RASL12: variants seen among roughly 807,000 people sequenced by gnomAD.
RASL12 encodes RAS like family 12.
In RASL12, 16 loss-of-function variants were observed where a neutral mutation model predicts 22.9. That is an observed-to-expected ratio of 0.70 (90% CI 0.47 to 1.06). RASL12 has a LOEUF of 1.06. Ranked by LOEUF, RASL12 falls within the 50% of genes least tolerant of loss-of-function variation. RASL12 has a pLI of 0.00. For synonymous variants in RASL12, 159 were observed against 152.2 expected, an observed-to-expected ratio of 1.04 and a Z score of -0.33; for missense variants, 306 against 353.1, an observed-to-expected ratio of 0.87 and a Z score of 1.07.
chr15:65,074,989 G>A (rs953697464), intron 1 of RASL12, among the ~76,000 whole-genome samples: 2 of 152,242 alleles, frequency 1.3e-5, no homozygotes, highest in African/African-American at 4.8e-5. Context: ...GCCAAGGCTG[G>A]AGCCCACTCC....
At chr15:65,049,180 TCTGA>T (rs1303173126), downstream of RASL12, 3 of 151,934 alleles carry the variant, frequency 2.0e-5, no homozygotes, top group Admixed American at 1.3e-4. Flanking sequence ...CGTCAAAATG[TCTGA>T]CTGTTTTGAG....
chr15:65,058,441 G>A lies in RASL12; in HGVS notation c.411C>T (p.Asp137=), dbSNP rs753989546. The change falls in exon 4 of 5, where the codon GAC becomes GAT. Residue 137 remains aspartate (D), a synonymous_variant. Coordinates refer to ENST00000220062, the MANE Select transcript of RASL12 (RefSeq NM_016563.4). The part of the protein sequence containing the change: ...IPALLLGNKL[D]MAQYRQVTKA... ...GCTGTGCTCACCTGTACTGAGCCAT[G>A]TCCAGCTTGTTGCCCAGCAGCAGGG... 4 of 1,568,368 alleles carry A rather than the reference G, an allele frequency of 2.6e-6. No homozygotes were observed. The highest frequency in any genetic ancestry group is 3.5e-6 in the Non-Finnish European group (4 of 1,150,924).
At chr15:65,050,594 GC>G (rs1314169976), downstream of RASL12, among the ~76,000 whole-genome samples, 4 of 152,198 alleles carry the variant, frequency 2.6e-5, no homozygotes, top group African/African-American at 9.7e-5. Context: ...AAGGTGACTT[GC>G]AGGAAACTAA....
the RASL12 span, chr15:65,045,603 T>C: frequency 6.6e-6 from 1 of 152,422 alleles, no homozygotes; most frequent in East Asian, 1.9e-4. Context: ...TCATCTTGCC[T>C]TGGGGATGGG....
chr15:65,076,340 G>A (rs1425190941), intron 1 of RASL12, among the ~76,000 whole-genome samples: 2 of 151,954 alleles, frequency 1.3e-5, no homozygotes, highest in Non-Finnish European at 2.9e-5. Flanking sequence ...GAGACCACAA[G>A]CCCACTGGGA....
downstream of RASL12, chr15:65,049,927 A>G: frequency 8.7e-7 from 1 of 1,150,832 alleles, no homozygotes; most frequent in Non-Finnish European, 1.2e-6. Flanking sequence ...CCCAGGGGCC[A>G]GAACCGAGGA....
At chr15:65,052,867 T>G (rs562528506), downstream of RASL12, 622 of 1,082,696 alleles carry the variant, frequency 5.7e-4, 7 homozygotes, top group South Asian at 8.7e-3. Context: ...CCAAACTGCA[T>G]AGAGAATTTT....
chr15:65,069,344 C>T (rs1356226392), upstream of RASL12, among the ~76,000 whole-genome samples: 6 of 152,198 alleles, frequency 3.9e-5, no homozygotes, highest in East Asian at 1.2e-3. Flanking sequence ...AAGGGTTTTC[C>T]TTTGAGTTGT....
At position 65,058,428 on chromosome 15, in the gene RASL12, T is replaced by G. The variant is rs774905094; in HGVS notation, c.424A>C (p.Arg142=). Reference sequence around the variant, plus strand: ...AACGGCCAAGCAGGCTGTGCTCACCTGTACTGAGCCATGTCCAGCTTGTTG... The same window carrying G: ...AACGGCCAAGCAGGCTGTGCTCACCGGTACTGAGCCATGTCCAGCTTGTTG... ...LGNKLDMAQY[R]QVTKAEGVAL... The change falls in exon 4 of 5, where the codon AGG becomes CGG. Residue 142 remains arginine, a splice_region_variant and synonymous_variant. Coordinates refer to ENST00000220062, the MANE Select transcript of RASL12 (RefSeq NM_016563.4). 1.3e-6 allele frequency: 2 copies of G among 1,534,506 alleles called. No individual in the cohort carries two copies. The highest frequency in any genetic ancestry group is 1.8e-6 in the Non-Finnish European group (2 of 1,131,944).
intron 1 of RASL12, among the ~76,000 whole-genome samples, chr15:65,073,345 C>A (rs1178361640): frequency 6.6e-6 from 1 of 152,148 alleles, no homozygotes; most frequent in East Asian, 1.9e-4. Flanking sequence ...AGCTTGTTCT[C>A]CTGCAACTAA....
In RASL12 at chr15:65,054,683, C is replaced by T. The variant is rs147357567; in HGVS notation, c.*216G>A. ...CTGTTTCCCTCTACGGCCACAGACG[C>T]GGTGGTTACCATGAAGACCAAGGCC... is the stretch of plus-strand genomic sequence containing the variant. On this transcript the variant is annotated 3_prime_UTR_variant, in exon 5 of 5. Transcript: ENST00000220062. The T allele has an allele frequency of 1.7e-5, 24 of 1,392,712 alleles. No homozygotes were observed. The highest frequency in any genetic ancestry group is 3.0e-5 in the Admixed American group (1 of 33,820). The allele number at this position is 1,392,712 out of a possible 1,614,324, so 86.3% of individuals were successfully genotyped here. A position where few individuals can be genotyped will look rare whatever the true frequency, so the allele number is the denominator to read the frequency against.
chr15:65,066,158 G>C (rs918186026), intron 1 of RASL12, among the ~76,000 whole-genome samples: 11 of 149,656 alleles, frequency 7.4e-5, no homozygotes, highest in African/African-American at 2.7e-4. Context: ...GAAGAAGAGA[G>C]GGATGAAGGG....
chr15:65,065,390 T>A (rs2086864627), intron 1 of RASL12, 117 bp from the exon 2 acceptor site: 2 of 933,132 alleles, frequency 2.1e-6, no homozygotes. Flanking sequence ...CAAGCTCAGC[T>A]CTCCCAGAGA....
At chr15:65,058,160 T>C (rs2086756307) in intron 4 of RASL12, among the ~76,000 whole-genome samples, 1 of 152,094 alleles carries the variant, frequency 6.6e-6, no homozygotes, top group Admixed American at 6.5e-5. Context: ...TCCCAGCTAC[T>C]GGGGAGGCTG....
downstream of RASL12, chr15:65,053,018 G>A (rs763251825): frequency 1.5e-5 from 25 of 1,613,830 alleles, 1 homozygote; most frequent in South Asian, 2.4e-4. Context: ...CCTGCATTTG[G>A]ATGAGGCCAA....
chr15:65,047,818 TAG>T, the RASL12 span, among the ~76,000 whole-genome samples: 1 of 152,024 alleles, frequency 6.6e-6, no homozygotes, highest in African/African-American at 2.4e-5. Context: ...GATAGATAGA[TAG>T]ATAGATAGAT....
downstream of RASL12, chr15:65,049,788 C>G (rs1160349506): frequency 9.4e-6 from 4 of 423,354 alleles, no homozygotes; most frequent in African/African-American, 2.0e-5. Flanking sequence ...TGGGTTCGTT[C>G]GGGTCGTTTT....
chr15:65,074,393 T>C (rs1025599831), intron 1 of RASL12, among the ~76,000 whole-genome samples: 1 of 139,680 alleles, frequency 7.2e-6, no homozygotes. Flanking sequence ...TTTTATTTTT[T>C]AATTAATTTT....
In RASL12 at chr15:65,057,932, A is replaced by G. The variant is rs557101808; in HGVS notation, c.425+495T>C. On this transcript the variant is annotated intron_variant, in intron 4 of 4. Coordinates refer to ENST00000220062, the MANE Select transcript of RASL12 (RefSeq NM_016563.4). ...GTGTGACCCAGAAGCGTTTCCCTTC[A>G]AGTCCTTGGCTGCCTGGAAGACCAA... Among the ~76,000 whole-genome samples, 4 of 152,316 alleles carry G rather than the reference A, an allele frequency of 2.6e-5. No individual in the cohort carries two copies. The South Asian group carries it at 8.3e-4, about 32-fold the overall frequency.
Sources: gnomAD v4.1 joint callset for allele counts (sites outside exome capture counted in the v4.1 genomes callset) on GRCh38, gnomAD v4.1.1 for gene constraint, MANE v1.5 for transcripts, NCBI Gene and HGNC (gene_info 2026-07-23, HGNC 2026-07-21) for gene names.